Variants in NBAS observed in about 807,000 individuals in gnomAD.
NBAS encodes NBAS subunit of NRZ tethering complex.
In NBAS, 219 loss-of-function variants were observed where a neutral mutation model predicts 302.5. The observed-to-expected ratio is 0.72, with a 90% CI of 0.65 to 0.81. The LOEUF (loss-of-function observed/expected upper bound fraction) is 0.81. Among genes scored for constraint, NBAS ranks in the 30% least tolerant of loss-of-function variants. The pLI is 0.00. For synonymous variants in NBAS, 1,118 were observed against 1,021.6 expected, an observed-to-expected ratio of 1.09 and a Z score of -1.80; for missense variants, 2,932 against 2,841.6, an observed-to-expected ratio of 1.03 and a Z score of -0.72.
At chr2:14,994,243 A>G in the NBAS span, among the ~76,000 whole-genome samples, 1 of 152,240 alleles carries the variant, frequency 6.6e-6, no homozygotes, top group Non-Finnish European at 1.5e-5. Context: ...TGCCATAAAC[A>G]AATGGAAATC....
At chr2:15,424,585 TG>T in intron 22 of NBAS, 117 bp from the exon 23 acceptor site, 1 of 1,190,312 alleles carries the variant, frequency 8.4e-7, no homozygotes, top group Non-Finnish European at 1.2e-6. Context: ...GGAGCATACA[TG>T]TATGTGGTTT....
chr2:15,126,404 G>C, the NBAS span, among the ~76,000 whole-genome samples: 1 of 152,196 alleles, frequency 6.6e-6, no homozygotes, highest in Non-Finnish European at 1.5e-5. Context: ...TGATACAGGA[G>C]CCCTGGTAGA....
chr2:15,456,618 C>T (rs572757822), intron 21 of NBAS, among the ~76,000 whole-genome samples: 74 of 152,286 alleles, frequency 4.9e-4, no homozygotes, highest in South Asian at 4.6e-3. Context: ...TTAACGAATG[C>T]CTACTTTCCA....
At chr2:15,230,200 T>C in intron 47 of NBAS, among the ~76,000 whole-genome samples, 1 of 152,068 alleles carries the variant, frequency 6.6e-6, no homozygotes, top group South Asian at 2.1e-4. Context: ...AAATCCACAA[T>C]AACCATATCA....
chr2:14,845,854 C>T, the NBAS span, among the ~76,000 whole-genome samples: 1 of 151,500 alleles, frequency 6.6e-6, no homozygotes, highest in Admixed American at 6.6e-5. Flanking sequence ...TTTGAAAACA[C>T]AGTCAGAAGA....
At chr2:14,828,607 CA>C in the NBAS span, among the ~76,000 whole-genome samples, 15 of 151,590 alleles carry the variant, frequency 9.9e-5, no homozygotes, top group Non-Finnish European at 1.8e-4. Context: ...AATGACTGTG[CA>C]AAAAAAATAA....
intron 11 of NBAS, among the ~76,000 whole-genome samples, chr2:15,494,276 G>T (rs1331425804): frequency 2.0e-5 from 3 of 152,160 alleles, no homozygotes; most frequent in Non-Finnish European, 4.4e-5. Context: ...TAGTAGTTAT[G>T]TGACCACAGG....
At chr2:15,155,414 G>A in the NBAS span, among the ~76,000 whole-genome samples, 1 of 152,128 alleles carries the variant, frequency 6.6e-6, no homozygotes, top group East Asian at 1.9e-4. Context: ...GGGAAAAGGA[G>A]AGTGCAAAGC....
At chr2:14,979,571 G>C in the NBAS span, among the ~76,000 whole-genome samples, 1 of 152,162 alleles carries the variant, frequency 6.6e-6, no homozygotes, top group African/African-American at 2.4e-5. Flanking sequence ...CAGAGGGGCA[G>C]AGCTGGGATT....
intron 51 of NBAS, among the ~76,000 whole-genome samples, chr2:15,170,043 ATACT>A (rs1664220873): frequency 6.6e-6 from 1 of 152,200 alleles, no homozygotes; most frequent in Non-Finnish European, 1.5e-5. Flanking sequence ...CTGCAGGGCA[ATACT>A]TTCTTTGTTG....
At chr2:15,344,342 C>T (rs1672989842) in intron 35 of NBAS, among the ~76,000 whole-genome samples, 1 of 152,122 alleles carries the variant, frequency 6.6e-6, no homozygotes, top group Admixed American at 6.6e-5. Context: ...ACTAACCCCA[C>T]AGAAATACAA....
chr2:15,099,369 T>C, the NBAS span, among the ~76,000 whole-genome samples: 1 of 152,082 alleles, frequency 6.6e-6, no homozygotes, highest in Non-Finnish European at 1.5e-5. Context: ...TATTTTTATA[T>C]TTATATGCTT....
At chr2:15,009,693 CATATATATATAT>C in the NBAS span, among the ~76,000 whole-genome samples, 3 of 126,568 alleles carry the variant, frequency 2.4e-5, no homozygotes, top group Non-Finnish European at 3.4e-5. Context: ...TGTAGGAATG[CATATATATATAT>C]ATATATATAT....
At chr2:14,792,348 T>C in the NBAS span, among the ~76,000 whole-genome samples, 1 of 152,176 alleles carries the variant, frequency 6.6e-6, no homozygotes, top group Non-Finnish European at 1.5e-5. Flanking sequence ...CTCAGGACAC[T>C]TATAGTGGTC....
Position 15,238,392 on chromosome 2 carries a change from A to C in NBAS, c.5943+76T>G, listed in dbSNP as rs576004434. On this transcript the variant is annotated intron_variant, in intron 45 of 51. Coordinates refer to ENST00000281513, the MANE Select transcript of NBAS (RefSeq NM_015909.4). ...CAAGCCTGAAAACCCTGTCAAAACG[A>C]CTAATGTAACTTTCAAGGAAAAAAG... The C allele has an allele frequency of 2.8e-6, 4 of 1,441,488 alleles. No individual in the cohort carries two copies. The African/African-American group carries it at 4.2e-5, about 15-fold the overall frequency. 89.3% of individuals were successfully genotyped at this position (1,441,488 alleles called of 1,614,324 possible).
intron 35 of NBAS, among the ~76,000 whole-genome samples, chr2:15,347,901 C>T (rs1673169328): frequency 6.6e-6 from 1 of 152,094 alleles, no homozygotes; most frequent in Non-Finnish European, 1.5e-5. Context: ...TCAAACTTGT[C>T]GGCTCCATTT....
At chr2:15,366,403 T>A (rs551412527) in intron 32 of NBAS, among the ~76,000 whole-genome samples, 177 bp downstream of exon 32, 3 of 152,278 alleles carry the variant, frequency 2.0e-5, no homozygotes, top group African/African-American at 7.2e-5. Flanking sequence ...CTTAGCTAAC[T>A]GAGAGGCTGA....
chr2:15,112,446 G>T, the NBAS span, among the ~76,000 whole-genome samples: 1 of 151,862 alleles, frequency 6.6e-6, no homozygotes, highest in East Asian at 1.9e-4. Context: ...ACGTATAATG[G>T]GAGACATCAA....
At chr2:15,308,401 A>C in intron 39 of NBAS, 48 bp from the exon 40 acceptor site, 1 of 1,596,624 alleles carries the variant, frequency 6.3e-7, no homozygotes. Context: ...GAAATTATGA[A>C]GATCATTATA....
Sources: allele counts gnomAD v4.1 joint callset (sites outside exome capture counted in the v4.1 genomes callset), GRCh38; gene constraint gnomAD v4.1.1; transcripts MANE v1.5; gene names NCBI Gene and HGNC (gene_info 2026-07-23, HGNC 2026-07-21).